HDAC7: variants seen among roughly 807,000 people sequenced by gnomAD.
HDAC7 encodes histone deacetylase 7A.
In HDAC7, 26 loss-of-function variants were observed where a neutral mutation model predicts 115.5. That is an observed-to-expected ratio of 0.23 (90% CI 0.16 to 0.31). The LOEUF is 0.31. Among genes scored for constraint, HDAC7 ranks in the 10% least tolerant of loss-of-function variants. HDAC7 has a pLI of 1.00. For missense variants in HDAC7, 1,068 were observed against 1,329.0 expected (o/e 0.80, Z 3.05); for synonymous variants, 564 against 550.9 (o/e 1.02, Z -0.33).
intron 1 of HDAC7, among the ~76,000 whole-genome samples, chr12:47,813,638 C>T (rs1944762837): frequency 1.3e-5 from 2 of 152,148 alleles, no homozygotes. Context: ...GGTGCGGAGA[C>T]AGGGTGGGGA....
At chr12:47,785,227 G>T in intron 24 of HDAC7, 160 bp downstream of exon 24, 1 of 656,648 alleles carries the variant, frequency 1.5e-6, no homozygotes, top group Non-Finnish European at 2.7e-6. Context: ...ACTGGGGGGT[G>T]CTCACCATTG....
rs571137815 is a variant in HDAC7, at chr12:47,809,535, C to A, written c.20-7261G>T. On this transcript the variant is annotated intron_variant, in intron 1 of 25. Transcript: ENST00000080059. ...TGGCTATTATCCTAGGCATTTTTGG[C>A]GGGGGGAGGGCAACATCCTCCCACT... Among the ~76,000 whole-genome samples, 5 of 152,070 alleles carry A rather than the reference C, an allele frequency of 3.3e-5. No individual in the cohort carries two copies. The East Asian group carries it at 9.6e-4, about 29-fold the overall frequency.
Position 47,797,298 on chromosome 12 carries a change from C to T in HDAC7, c.577+86G>A. 2.2e-6 allele frequency: 3 copies of T among 1,362,088 alleles called. No individual in the cohort carries two copies. Among genetic ancestry groups the T allele is most frequent in the Non-Finnish European group, 3.1e-6 (3 of 970,376 alleles). 84.4% of individuals were successfully genotyped at this position (1,362,088 alleles called of 1,614,324 possible). ...CGATGATCTCCTGGCCCAGCCCAGC[C>T]CGCCCACCCCTGCACACTCCTCCCC... is the stretch of plus-strand genomic sequence containing the variant. On this transcript the variant is annotated intron_variant, in intron 6 of 25. Coordinates refer to ENST00000080059, the MANE Select transcript of HDAC7 (RefSeq NM_015401.5). The surrounding 1 kb of genome is among the most constrained non-coding windows in gnomAD (Gnocchi z 5.5).
Position 47,795,746 on chromosome 12 carries a change from G to A in HDAC7, c.928C>T (p.His310Tyr). The change falls in exon 10 of 26, where the codon CAT becomes TAT. Residue 310 changes from histidine (H) to tyrosine (Y), a missense_variant. His to Tyr is a moderately conservative substitution (Grantham distance 83, BLOSUM62 2). Transcript: ENST00000080059. This position sits in a 1 kb window ranked among gnomAD's most constrained non-coding sequence, Gnocchi z 4.3. ...PARADSDRRT[H>Y]PTLGPRGPIL... ...GGCCCCCGAGGGCCCAGAGTCGGAT[G>A]GGTCCTGCGGTCACTGTCAGCCTGG... 1 of 1,533,658 alleles carries A rather than the reference G, an allele frequency of 6.5e-7. No homozygotes were observed. Among genetic ancestry groups the A allele is most frequent in the Non-Finnish European group, 8.8e-7 (1 of 1,137,968 alleles).
intron 1 of HDAC7, among the ~76,000 whole-genome samples, chr12:47,808,547 G>A (rs1346243831): frequency 6.6e-6 from 1 of 152,128 alleles, no homozygotes; most frequent in African/African-American, 2.4e-5. Flanking sequence ...TATGGCTGTC[G>A]GTTTCTGGGT....
At chr12:47,808,125 T>G (rs1356993592) in intron 1 of HDAC7, among the ~76,000 whole-genome samples, 5 of 152,164 alleles carry the variant, frequency 3.3e-5, no homozygotes, top group South Asian at 2.1e-4. Flanking sequence ...GATGTAAGGG[T>G]GGCAACAGTG....
intron 1 of HDAC7, among the ~76,000 whole-genome samples, chr12:47,816,010 G>A (rs1296787576): frequency 6.6e-6 from 1 of 150,870 alleles, no homozygotes; most frequent in African/African-American, 2.4e-5. Context: ...TCCTGCCTCA[G>A]CCTCCCGAGT....
chr12:47,798,361 C>T lies in HDAC7; in HGVS notation c.350-142G>A. 1.3e-6 allele frequency: 1 copy of T among 797,706 alleles called. No homozygotes were observed. Among genetic ancestry groups the T allele is most frequent in the Admixed American group, 2.1e-5 (1 of 48,160 alleles). 49.4% of individuals were successfully genotyped at this position (797,706 alleles called of 1,614,324 possible). ...CAAGAGCCAAGCCCGAGGCCCTACC[C>T]CTCCCTAGAGCCTCCAGACACCACC... On this transcript the variant is annotated intron_variant, in intron 4 of 25. Transcript: ENST00000080059. The surrounding 1 kb of genome is among the most constrained non-coding windows in gnomAD (Gnocchi z 4.3).
chr12:47,796,411 T>G, intron 7 of HDAC7, 113 bp from the exon 8 acceptor site: 4 of 639,636 alleles, frequency 6.3e-6, no homozygotes, highest in Admixed American at 3.4e-5. Context: ...AACGAGCACC[T>G]TTGCTTCCTG....
intron 1 of HDAC7, among the ~76,000 whole-genome samples, chr12:47,811,871 A>G (rs1005928347): frequency 6.6e-6 from 1 of 152,224 alleles, no homozygotes; most frequent in African/African-American, 2.4e-5. Context: ...CTGGGCACAA[A>G]GTCAGGACTT....
In HDAC7 at chr12:47,785,829, C is replaced by A. The variant is rs755395947; in HGVS notation, c.2629G>T (p.Ala877Ser). The change falls in exon 23 of 26, where the codon GCC (alanine) becomes TCC (serine). Residue 877 changes from alanine (A) to serine (S), a missense_variant. By Grantham distance (99) the Ala-to-Ser change is moderately conservative. Transcript: ENST00000080059. ...GTGAGGTCATGGCCACCCTCCAAGG[C>A]CAGCACCACTGCGCCTCCTGCCAGG... is the stretch of plus-strand genomic sequence containing the variant. ...MNLAGGAVVL[A>S]LEGGHDLTAI... 5.6e-6 allele frequency: 9 copies of A among 1,611,942 alleles called. No homozygotes were observed. The highest frequency in any genetic ancestry group is 7.6e-6 in the Non-Finnish European group (9 of 1,179,266).
chr12:47,784,512 G>T, intron 24 of HDAC7: 1 of 607,114 alleles, frequency 1.6e-6, no homozygotes, highest in South Asian at 2.0e-5. Flanking sequence ...TTCCCCACAG[G>T]TGCGGGGCTC....
At chr12:47,792,104 T>G in intron 13 of HDAC7, 100 bp from the exon 14 acceptor site, 1 of 1,403,022 alleles carries the variant, frequency 7.1e-7, no homozygotes, top group Non-Finnish European at 9.5e-7. Flanking sequence ...GGCACCCACA[T>G]GGAGCCGGGC....
rs1943039458 is a variant in HDAC7, at chr12:47,784,370, T to C, written c.2792-153A>G. ...GGGTCGGCTCTCCCACCTGCCCCTC[T>C]CCTCACTTCGCTCCCACTCCCGCAC... On this transcript the variant is annotated intron_variant, in intron 24 of 25. Coordinates refer to ENST00000080059, the MANE Select transcript of HDAC7 (RefSeq NM_015401.5). The C allele has an allele frequency of 5.2e-6, 4 of 766,004 alleles. No homozygotes were observed. The South Asian group carries it at 7.5e-5, about 14-fold the overall frequency. The allele number at this position is 766,004 out of a possible 1,614,324, so 47.5% of individuals were successfully genotyped here.
rs550378957 is a variant in HDAC7, at chr12:47,797,917, G to A, written c.461+191C>T. ...GTGTGAGAAGGGCTCAGGTGGGGTG[G>A]GGAGAATTTAAAGAGAGGAGGGCAG... On this transcript the variant is annotated intron_variant, in intron 5 of 25. Transcript: ENST00000080059. The surrounding 1 kb of genome is among the most constrained non-coding windows in gnomAD (Gnocchi z 5.5). Among the ~76,000 whole-genome samples the A allele has an allele frequency of 1.0e-4, 15 of 145,848 alleles. No individual in the cohort carries two copies. The East Asian group carries it at 2.0e-3, about 19-fold the overall frequency.
chr12:47,814,494 T>A (rs11168248), intron 1 of HDAC7, among the ~76,000 whole-genome samples: 1 of 152,058 alleles, frequency 6.6e-6, no homozygotes, highest in Non-Finnish European at 1.5e-5. Flanking sequence ...CCTGGGGAGA[T>A]GCTGCCTCCT....
chr12:47,785,123 T>G (rs548631152), intron 24 of HDAC7: 3 of 559,138 alleles, frequency 5.4e-6, no homozygotes, highest in African/African-American at 1.9e-5. Context: ...GGTCTAGGGC[T>G]GTCGCTAGAG....
intron 12 of HDAC7, 119 bp downstream of exon 12, chr12:47,794,641 C>A: frequency 9.7e-7 from 1 of 1,028,114 alleles, no homozygotes; most frequent in Non-Finnish European, 1.3e-6. Flanking sequence ...TATAGGGCAA[C>A]CATGGGTCCT....
chr12:47,818,257 A>ACCATTCCAGGT (rs1944906316), intron 1 of HDAC7, among the ~76,000 whole-genome samples: 1 of 152,224 alleles, frequency 6.6e-6, no homozygotes, highest in Non-Finnish European at 1.5e-5. Context: ...ATCAGGAGGC[A>ACCATTCCAGGT]GCTCTGAGCT....
Sources: gnomAD v4.1 joint callset for allele counts (sites outside exome capture counted in the v4.1 genomes callset) on GRCh38, gnomAD v4.1.1 for gene constraint, Gnocchi (gnomAD v3.1) non-coding constraint, MANE v1.5 for transcripts, NCBI Gene and HGNC (gene_info 2026-07-23, HGNC 2026-07-21) for gene names.